The following NR1I2 variants were observed in gnomAD, a reference collection of about 807,000 sequenced individuals.
NR1I2 encodes orphan nuclear receptor PAR1.
NR1I2 carries 42 observed loss-of-function variants against 43.3 expected under a neutral mutation model. That is an observed-to-expected ratio of 0.97 (90% CI 0.76 to 1.26). The LOEUF (loss-of-function observed/expected upper bound fraction) is 1.26, where lower values mean the gene tolerates loss of function less well. Ranked by LOEUF, NR1I2 falls within the 50% of genes most tolerant of loss-of-function variation. The pLI is 0.00. For synonymous variants in NR1I2, 229 were observed against 215.0 expected (o/e 1.06, Z -0.57); for missense variants, 559 against 566.7 (o/e 0.99, Z 0.14).
intron 1 of NR1I2, among the ~76,000 whole-genome samples, chr3:119,788,173 G>A (rs2054871472): frequency 2.0e-5 from 3 of 152,178 alleles, no homozygotes; most frequent in Admixed American, 6.5e-5. Context: ...GAGAGCAGTG[G>A]TATGATCATG....
chr3:119,806,282 C>T (rs2055159427), intron 1 of NR1I2, among the ~76,000 whole-genome samples: 1 of 151,966 alleles, frequency 6.6e-6, no homozygotes, highest in South Asian at 2.1e-4. Context: ...GAGTACAGCT[C>T]AATTTTTTTT....
At chr3:119,813,257 C>T (rs1402147871) in intron 5 of NR1I2, among the ~76,000 whole-genome samples, 1 of 152,216 alleles carries the variant, frequency 6.6e-6, no homozygotes, top group African/African-American at 2.4e-5. Context: ...CCGAAGAACA[C>T]CCAGCACAGA....
chr3:119,809,534 A>T (rs921084133), intron 2 of NR1I2, among the ~76,000 whole-genome samples: 2 of 60,334 alleles, frequency 3.3e-5, no homozygotes, highest in African/African-American at 1.4e-4. Flanking sequence ...GAGCTGGAGA[A>T]GGCGGCGGGG....
rs182993028 is a variant in NR1I2 at position 119,808,542 on chromosome 3, G to C, written c.197+1095G>C. Among the ~76,000 whole-genome samples, 347 of 152,364 alleles carry C rather than the reference G, an allele frequency of 2.3e-3. 3 individuals carry two copies. The highest frequency in any genetic ancestry group is 4.1e-3 in the Admixed American group (63 of 15,304). ...TCCAGATGCTGCTGGCACAGAAGAGGCTGCCCAAGCAGTGTTCGTGCATCC... is the reference window on the plus strand; with the variant it reads ...TCCAGATGCTGCTGGCACAGAAGAGCCTGCCCAAGCAGTGTTCGTGCATCC... On this transcript the variant is annotated intron_variant, in intron 2 of 8. Coordinates refer to ENST00000393716, the MANE Select transcript of NR1I2 (RefSeq NM_003889.4).
intron 2 of NR1I2, among the ~76,000 whole-genome samples, chr3:119,809,349 G>T (rs2055202724): frequency 6.6e-6 from 1 of 151,978 alleles, no homozygotes; most frequent in African/African-American, 2.4e-5. Context: ...CGCAGAGAGG[G>T]GTGTGCGGGC....
chr3:119,799,918 T>G (rs2055053700), intron 1 of NR1I2, among the ~76,000 whole-genome samples: 1 of 152,098 alleles, frequency 6.6e-6, no homozygotes, highest in South Asian at 2.1e-4. Context: ...AGGCAGAGGT[T>G]GTGCACCACT....
At chr3:119,816,925 GA>G in intron 8 of NR1I2, 142 bp from the exon 9 acceptor site, 1 of 1,025,472 alleles carries the variant, frequency 9.8e-7, no homozygotes, top group South Asian at 1.4e-5. Context: ...GGGTAAAAGA[GA>G]AGCTTACGGA....
chr3:119,807,116 C>T lies in NR1I2; in HGVS notation c.-22-113C>T, dbSNP rs993697034. On this transcript the variant is annotated intron_variant, in intron 1 of 8. Coordinates refer to ENST00000393716, the MANE Select transcript of NR1I2 (RefSeq NM_003889.4). The stretch of plus-strand genomic sequence containing the variant: ...TTTTTCCCCATGAGAGGTCAGCTCC[C>T]GAGTTCACAGGCCCAAATGTGAGTG... The T allele has an allele frequency of 6.4e-4, 605 of 939,564 alleles. 3 individuals carry two copies. Among genetic ancestry groups the T allele is most frequent in the Middle Eastern group, 2.7e-4 (1 of 3,720 alleles). The allele number at this position is 939,564 out of a possible 1,614,324, so 58.2% of individuals were successfully genotyped here. A position where few individuals can be genotyped will look rare whatever the true frequency, so the allele number is the denominator to read the frequency against.
chr3:119,812,546 T>C (rs2055258566), intron 4 of NR1I2, 140 bp from the exon 5 acceptor site: 2 of 854,260 alleles, frequency 2.3e-6, no homozygotes, highest in African/African-American at 1.6e-5. Context: ...CACGCATGCA[T>C]GTGGGTGTGA....
intron 1 of NR1I2, among the ~76,000 whole-genome samples, chr3:119,797,971 C>A (rs1249783384): frequency 6.6e-6 from 1 of 151,852 alleles, no homozygotes; most frequent in Non-Finnish European, 1.5e-5. Flanking sequence ...AATTTTATTT[C>A]TTTGTGGTTA....
At chr3:119,796,660 T>C (rs964114996) in intron 1 of NR1I2, among the ~76,000 whole-genome samples, 14 of 152,250 alleles carry the variant, frequency 9.2e-5, no homozygotes, top group African/African-American at 3.4e-4. Flanking sequence ...CTTCATTTCT[T>C]TCCCTCCACA....
chr3:119,806,373 C>T (rs369792836), intron 1 of NR1I2, among the ~76,000 whole-genome samples: 2 of 152,222 alleles, frequency 1.3e-5, no homozygotes, highest in East Asian at 3.8e-4. Flanking sequence ...CAGCCTCAAA[C>T]CCTCAGGCTC....
chr3:119,788,588 T>TA (rs2054876339), intron 1 of NR1I2, among the ~76,000 whole-genome samples: 1 of 152,064 alleles, frequency 6.6e-6, no homozygotes, highest in Non-Finnish European at 1.5e-5. Flanking sequence ...CAGGCACATG[T>TA]CACCACACTT....
chr3:119,792,813 T>C (rs2054939728), intron 1 of NR1I2, among the ~76,000 whole-genome samples: 1 of 151,896 alleles, frequency 6.6e-6, no homozygotes, highest in Admixed American at 6.6e-5. Context: ...AGGCAGAGGA[T>C]ATAGTGAGCT....
chr3:119,782,407 T>C (rs1369729797), intron 1 of NR1I2, 107 bp downstream of exon 1: 1 of 269,934 alleles, frequency 3.7e-6, no homozygotes, highest in African/African-American at 2.2e-5. Context: ...GTCAGCATCA[T>C]AGTGGGTCGT....
chr3:119,804,606 G>A (rs917353194), intron 1 of NR1I2, among the ~76,000 whole-genome samples: 3 of 151,616 alleles, frequency 2.0e-5, no homozygotes, highest in African/African-American at 7.3e-5. Context: ...CACCACTTCC[G>A]GCTAACTTTT....
rs1476546815 is a variant in NR1I2, at chr3:119,815,833, T to A, written c.1160+2T>A. 6.2e-7 allele frequency: 1 copy of A among 1,603,328 alleles called. No homozygotes were observed. Among genetic ancestry groups the A allele is most frequent in the Non-Finnish European group, 8.5e-7 (1 of 1,174,312 alleles). On this transcript the variant is annotated splice_donor_variant, in intron 8 of 8. Transcript: ENST00000393716. LOFTEE classifies it high-confidence loss of function. ...CAATCGGCCCCAGCCTGCTCATAGG[T>A]GAGCACAGCAGGGGGTGAGGACCCG... is the stretch of plus-strand genomic sequence containing the variant.
At chr3:119,812,389 C>T (rs2055256407) in intron 4 of NR1I2, among the ~76,000 whole-genome samples, 1 of 152,180 alleles carries the variant, frequency 6.6e-6, no homozygotes, top group Non-Finnish European at 1.5e-5. Context: ...TGGGATGACA[C>T]ACCATGGTTG....
At chr3:119,797,585 C>T (rs2055018716) in intron 1 of NR1I2, among the ~76,000 whole-genome samples, 1 of 151,934 alleles carries the variant, frequency 6.6e-6, no homozygotes, top group African/African-American at 2.4e-5. Context: ...TATATATATA[C>T]ATATCTACAC....
Sources: gnomAD v4.1 joint callset for allele counts (sites outside exome capture counted in the v4.1 genomes callset) on GRCh38, gnomAD v4.1.1 for gene constraint, MANE v1.5 for transcripts, NCBI Gene and HGNC (gene_info 2026-07-23, HGNC 2026-07-21) for gene names.